KCNQ1: variants seen among roughly 807,000 people sequenced by gnomAD.
The protein encoded by KCNQ1 is potassium voltage-gated channel subfamily Q member 1, also known as potassium voltage-gated channel subfamily KQT member 1.
In KCNQ1, 49 loss-of-function variants were observed where a neutral mutation model predicts 72.4. That is an observed-to-expected ratio of 0.68 (90% CI 0.54 to 0.86). The LOEUF is 0.86. Ranked by LOEUF, KCNQ1 falls within the 40% of genes least tolerant of loss-of-function variation. The pLI is 0.00. For missense variants in KCNQ1, 790 were observed against 945.1 expected (o/e 0.84, Z 2.15); for synonymous variants, 450 against 412.6 (o/e 1.09, Z -1.10).
rs972398144 is a variant in KCNQ1, at chr11:2,601,665, CA to C, written c.1393+12813del. Among the ~76,000 whole-genome samples the C allele has an allele frequency of 6.6e-6, 1 of 152,228 alleles. No homozygotes were observed. The highest frequency in any genetic ancestry group is 2.4e-5 in the African/African-American group (1 of 41,462). On this transcript the variant is annotated intron_variant, in intron 10 of 15. Transcript: ENST00000155840. This position sits in a 1 kb window ranked among gnomAD's most constrained non-coding sequence, Gnocchi z 5.2. ...AAAATGCCACGTAAATGGAATCACA[CA>C]ATACACGATATCTTAGAAACGGGGT... is the stretch of plus-strand genomic sequence containing the variant.
In KCNQ1 at chr11:2,462,960, C is replaced by T. The variant is rs1254333069; in HGVS notation, c.386+17476C>T. 1.3e-5 allele frequency among the ~76,000 whole-genome samples: 2 copies of T among 152,018 alleles called. No individual in the cohort carries two copies. The highest frequency in any genetic ancestry group is 2.9e-5 in the Non-Finnish European group (2 of 67,994). Reference sequence around the variant, plus strand: ...GAGGGTCTTGGGGGAAGGCTGTGGGCCCTTGGGTGGAAGAGTCTTGGGTGA... The same window carrying T: ...GAGGGTCTTGGGGGAAGGCTGTGGGTCCTTGGGTGGAAGAGTCTTGGGTGA... On this transcript the variant is annotated intron_variant, in intron 1 of 15. Coordinates refer to ENST00000155840, the MANE Select transcript of KCNQ1 (RefSeq NM_000218.3). The surrounding 1 kb of genome is among the most constrained non-coding windows in gnomAD (Gnocchi z 8.2).
chr11:2,613,709 C>T lies in KCNQ1; in HGVS notation c.1393+24855C>T, dbSNP rs1487497875. On this transcript the variant is annotated intron_variant, in intron 10 of 15. Transcript: ENST00000155840. The surrounding 1 kb of genome is among the most constrained non-coding windows in gnomAD (Gnocchi z 4.8). ...TCTTGTTAATTTTATTTTTTGAATA[C>T]ATATAACATTAACATACTTCCAAAA... The T allele has an allele frequency of 5.0e-6, 2 of 398,372 alleles. No individual in the cohort carries two copies. The highest frequency in any genetic ancestry group is 4.1e-5 in the African/African-American group (2 of 48,596). 24.7% of individuals were successfully genotyped at this position (398,372 alleles called of 1,614,324 possible). A position where few individuals can be genotyped will look rare whatever the true frequency, so the allele number is the denominator to read the frequency against.
chr11:2,688,393 C>T (rs1850529103), intron 11 of KCNQ1: 1 of 398,646 alleles, frequency 2.5e-6, no homozygotes, highest in African/African-American at 2.1e-5. Context: ...TAACTGCCAT[C>T]CTTTGCTGAT....
chr11:2,747,369 G>A (rs1418551686), intron 11 of KCNQ1, among the ~76,000 whole-genome samples: 3 of 152,230 alleles, frequency 2.0e-5, no homozygotes, highest in African/African-American at 4.8e-5. Flanking sequence ...AGGGAGGGAG[G>A]GAGGGAAAGA....
In KCNQ1 at chr11:2,585,207, C is replaced by T. The variant is rs764094211; in HGVS notation, c.1033-5C>T. The T allele has an allele frequency of 1.9e-6, 3 of 1,613,716 alleles. No homozygotes were observed. The Admixed American group carries it at 5.0e-5, about 27-fold the overall frequency. ...GACGGGAGCCTCCTGTCCATTCCTT[C>T]CCAGGGGATTCTTGGCTCGGGGTTT... On this transcript the variant is annotated splice_polypyrimidine_tract_variant and splice_region_variant and intron_variant, in intron 7 of 15. Transcript: ENST00000155840.
At chr11:2,832,446 C>A (rs1159348023) in intron 15 of KCNQ1, among the ~76,000 whole-genome samples, 1 of 152,158 alleles carries the variant, frequency 6.6e-6, no homozygotes, top group Non-Finnish European at 1.5e-5. Context: ...GCAAGAGGAA[C>A]CAGGATACCC....
At chr11:2,666,371 G>A in intron 11 of KCNQ1, 1 of 398,684 alleles carries the variant, frequency 2.5e-6, no homozygotes. Context: ...CTGGCCTCTT[G>A]TGACATGACA....
rs1167410693 is a variant in KCNQ1, at chr11:2,703,685, C to G, written c.1514+41604C>G. ...CCCGGCGGTGTCCCAGGGGAAACAC[C>G]AGTCCTCTTCTGCAGTGCAAGGCAG... On this transcript the variant is annotated intron_variant, in intron 11 of 15. Transcript: ENST00000155840. This position sits in a 1 kb window ranked among gnomAD's most constrained non-coding sequence, Gnocchi z 6.4. Among the ~76,000 whole-genome samples the G allele has an allele frequency of 6.6e-6, 1 of 152,164 alleles. No homozygotes were observed. The highest frequency in any genetic ancestry group is 1.5e-5 in the Non-Finnish European group (1 of 68,032).
At chr11:2,732,263 C>T (rs1206022059) in intron 11 of KCNQ1, among the ~76,000 whole-genome samples, 1 of 152,178 alleles carries the variant, frequency 6.6e-6, no homozygotes, top group Non-Finnish European at 1.5e-5. Context: ...GGCCTCTCCC[C>T]AACCCTCACC....
chr11:2,755,577 G>A (rs1359107554), intron 11 of KCNQ1, among the ~76,000 whole-genome samples: 1 of 152,164 alleles, frequency 6.6e-6, no homozygotes, highest in Non-Finnish European at 1.5e-5. Context: ...CACTTTTAAA[G>A]ACTTGTGGTT....
intron 11 of KCNQ1, chr11:2,699,595 C>T (rs913502142): frequency 1.7e-5 from 6 of 348,358 alleles, no homozygotes; most frequent in Admixed American, 9.6e-5. Context: ...AGAACAGAAC[C>T]GCGGCGAGAG....
chr11:2,692,294 G>A (rs889341279), intron 11 of KCNQ1: 3 of 398,864 alleles, frequency 7.5e-6, no homozygotes, highest in Non-Finnish European at 1.3e-5. Context: ...GAGGTTCCCT[G>A]CTTCCCTCCA....
chr11:2,684,120 A>AG (rs1331081915), intron 11 of KCNQ1: 1 of 398,520 alleles, frequency 2.5e-6, no homozygotes, highest in Non-Finnish European at 4.4e-6. Flanking sequence ...TAGATTCTTA[A>AG]GGGGACCGTT....
At position 2,839,092 on chromosome 11, in the gene KCNQ1, A is replaced by G. The variant is rs1188006470; in HGVS notation, c.1795-8675A>G. On this transcript the variant is annotated intron_variant, in intron 15 of 15. Transcript: ENST00000155840. ...CCGCCCCTGCCTGGCGTCTGCCGGC[A>G]GGAAGCTCCTGAGGCCGGGCTAGGG... 5.3e-5 allele frequency among the ~76,000 whole-genome samples: 8 copies of G among 152,116 alleles called. No individual in the cohort carries two copies. In the East Asian group the frequency reaches 1.5e-3, roughly 29 times the overall value.
chr11:2,788,480 G>A (rs928635319), intron 15 of KCNQ1, among the ~76,000 whole-genome samples: 9 of 152,098 alleles, frequency 5.9e-5, no homozygotes, highest in Non-Finnish European at 1.2e-4. Flanking sequence ...CAGAAAGTTA[G>A]GCAGCCTGGA....
Position 2,570,712 on chromosome 11 carries a change from T to G in KCNQ1, c.562T>G (p.Trp188Gly), listed in dbSNP as rs1199157260. 1 of 1,612,406 alleles carries G rather than the reference T, an allele frequency of 6.2e-7. No homozygotes were observed. The highest frequency in any genetic ancestry group is 2.2e-5 in the East Asian group (1 of 44,886). Residue 188 changes from tryptophan to glycine, a missense_variant, in exon 3 of 16, where the codon TGG becomes GGG. Coordinates refer to ENST00000155840, the MANE Select transcript of KCNQ1 (RefSeq NM_000218.3). Reference protein sequence around the residue: ...AGCRSKYVGLWGRLRFARKPI... With the variant: ...AGCRSKYVGLGGRLRFARKPI... ...CTGCCGCAGCAAGTACGTGGGCCTC[T>G]GGGGGCGGCTGCGCTTTGCCCGGAA...
At chr11:2,634,611 G>C (rs1294347671) in intron 10 of KCNQ1, 3 of 152,072 alleles carry the variant, frequency 2.0e-5, no homozygotes, top group African/African-American at 7.2e-5. Flanking sequence ...CCAAGTCTTT[G>C]CTATCGTGAA....
chr11:2,513,241 C>T (rs1159571099), intron 1 of KCNQ1, among the ~76,000 whole-genome samples: 1 of 152,184 alleles, frequency 6.6e-6, no homozygotes, highest in Non-Finnish European at 1.5e-5. Flanking sequence ...GGCCGTCACT[C>T]ACCTGAGCCC....
rs1172375017 is a variant in KCNQ1, at chr11:2,579,891, C to T, written c.922-3544C>T. On this transcript the variant is annotated intron_variant, in intron 6 of 15. Transcript: ENST00000155840. The surrounding 1 kb of genome is among the most constrained non-coding windows in gnomAD (Gnocchi z 6.0). ...TGGAAGGTGGTCTCGGGTGTCCTTA[C>T]GCGAGCAGGTGGCTACCTCACCTGC... 2.0e-5 allele frequency among the ~76,000 whole-genome samples: 3 copies of T among 152,076 alleles called. No individual in the cohort carries two copies. Among genetic ancestry groups the T allele is most frequent in the African/African-American group, 7.2e-5 (3 of 41,392 alleles).
Sources: allele counts gnomAD v4.1 joint callset (sites outside exome capture counted in the v4.1 genomes callset), GRCh38; gene constraint gnomAD v4.1.1; non-coding constraint Gnocchi (gnomAD v3.1); transcripts MANE v1.5; gene names NCBI Gene and HGNC (gene_info 2026-07-23, HGNC 2026-07-21).